Variants in UBR1 observed in about 807,000 individuals in gnomAD.
UBR1 encodes E3 ubiquitin-protein ligase UBR1.
A neutral mutation model predicts 242.1 loss-of-function variants in UBR1; 102 were observed. The ratio of observed to expected loss-of-function variants is 0.42; its 90% CI spans 0.36 to 0.50. The LOEUF (loss-of-function observed/expected upper bound fraction) is 0.50. Ranked by LOEUF, UBR1 falls within the 20% of genes least tolerant of loss-of-function variation. The pLI is 0.01. For missense variants in UBR1, 1,772 were observed against 2,101.8 expected, an observed-to-expected ratio of 0.84 and a Z score of 3.07; for synonymous variants, 675 against 684.8, an observed-to-expected ratio of 0.99 and a Z score of 0.22.
At chr15:43,070,383 C>T (rs1346341676) in intron 5 of UBR1, among the ~76,000 whole-genome samples, 1 of 151,918 alleles carries the variant, frequency 6.6e-6, no homozygotes, top group Non-Finnish European at 1.5e-5. Context: ...AGCTAAAAAC[C>T]CGGGCTAAAT....
At chr15:42,983,195 C>A (rs1210789919) in intron 37 of UBR1, among the ~76,000 whole-genome samples, 1 of 152,124 alleles carries the variant, frequency 6.6e-6, no homozygotes, top group Non-Finnish European at 1.5e-5. Context: ...AAGAATTTGA[C>A]CCACAAACAA....
At chr15:42,971,937 T>G (rs148480345) in intron 39 of UBR1, among the ~76,000 whole-genome samples, 1 of 152,336 alleles carries the variant, frequency 6.6e-6, no homozygotes, top group Admixed American at 6.5e-5. Context: ...TCTGTCTCTA[T>G]GCACACACAA....
chr15:42,983,129 A>G (rs2032403891), intron 37 of UBR1, among the ~76,000 whole-genome samples: 1 of 152,150 alleles, frequency 6.6e-6, no homozygotes, highest in Non-Finnish European at 1.5e-5. Context: ...CTGTCAAAGA[A>G]ATGGGCATGG....
chr15:43,002,158 A>T (rs558864428), intron 32 of UBR1, among the ~76,000 whole-genome samples: 7 of 152,352 alleles, frequency 4.6e-5, no homozygotes, highest in Non-Finnish European at 8.8e-5. Context: ...TAATTCCTTT[A>T]AAGAATAAAA....
Position 43,032,738 on chromosome 15 carries a change from C to A in UBR1, c.2191-107G>T. The A allele has an allele frequency of 4.3e-6, 3 of 705,286 alleles. No individual in the cohort carries two copies. In the South Asian group the frequency reaches 5.0e-5, roughly 12 times the overall value. 43.7% of individuals were successfully genotyped at this position (705,286 alleles called of 1,614,324 possible). A position where few individuals can be genotyped will look rare whatever the true frequency, so the allele number is the denominator to read the frequency against. ...GTCCATCCAGCCTAGTATTTTTCAT[C>A]CAGTCCAGTATTTTTTTTGTATGTG... On this transcript the variant is annotated intron_variant, in intron 19 of 46. Coordinates refer to ENST00000290650, the MANE Select transcript of UBR1 (RefSeq NM_174916.3).
intron 6 of UBR1, among the ~76,000 whole-genome samples, chr15:43,063,387 G>T (rs2033711710): frequency 6.6e-6 from 1 of 152,156 alleles, no homozygotes; most frequent in African/African-American, 2.4e-5. Context: ...ACTGGTATGT[G>T]TTTTTTTAGA....
intron 46 of UBR1, among the ~76,000 whole-genome samples, chr15:42,949,075 T>C (rs978705830): frequency 1.3e-5 from 2 of 151,976 alleles, no homozygotes; most frequent in African/African-American, 4.8e-5. Flanking sequence ...GTGGCACATA[T>C]ACACCATGGA....
intron 33 of UBR1, among the ~76,000 whole-genome samples, chr15:42,994,938 A>C (rs1218957302): frequency 6.6e-6 from 1 of 152,180 alleles, no homozygotes. Flanking sequence ...CTTGCTCAAA[A>C]ATTTTTAATC....
chr15:43,103,111 T>C (rs1172694904), intron 1 of UBR1, among the ~76,000 whole-genome samples: 13 of 152,232 alleles, frequency 8.5e-5, no homozygotes, highest in Non-Finnish European at 1.9e-4. Context: ...GAAGTTATAG[T>C]GAGCCAAGAT....
intron 39 of UBR1, among the ~76,000 whole-genome samples, chr15:42,971,357 T>C (rs975895779): frequency 6.6e-6 from 1 of 152,188 alleles, no homozygotes; most frequent in African/African-American, 2.4e-5. Context: ...AGGAGGACCA[T>C]CCTAAACCCT....
chr15:43,037,929 A>T (rs1169939489), intron 16 of UBR1, 46 bp from the exon 17 acceptor site: 37 of 1,540,616 alleles, frequency 2.4e-5, no homozygotes, highest in Non-Finnish European at 3.1e-5. Flanking sequence ...CAGAGCTTAG[A>T]TGTGTCTCCA....
chr15:42,975,174 G>A (rs2032269000), intron 39 of UBR1, among the ~76,000 whole-genome samples: 1 of 152,266 alleles, frequency 6.6e-6, no homozygotes, highest in Admixed American at 6.5e-5. Context: ...GGGATTACAG[G>A]TGTGAGCCAC....
chr15:43,058,962 T>A, intron 9 of UBR1, 123 bp downstream of exon 9: 1 of 817,226 alleles, frequency 1.2e-6, no homozygotes, highest in Non-Finnish European at 2.1e-6. Flanking sequence ...ACATGTAGTA[T>A]CTTATCAATC....
chr15:42,952,180 T>C lies in UBR1; in HGVS notation c.5006+98A>G, dbSNP rs879002429. ...GGTTAATACTCTAACTTCTGATTGATTATTTGCTATCAACACACTGTCCCA... is the reference window on the plus strand; with the variant it reads ...GGTTAATACTCTAACTTCTGATTGACTATTTGCTATCAACACACTGTCCCA... On this transcript the variant is annotated intron_variant, in intron 45 of 46. Transcript: ENST00000290650. 285 of 1,434,734 alleles carry C rather than the reference T, an allele frequency of 2.0e-4. 7 individuals are homozygous for C. The South Asian group carries it at 3.1e-3, about 16-fold the overall frequency. The allele number at this position is 1,434,734 out of a possible 1,614,324, so 88.9% of individuals were successfully genotyped here. A position where few individuals can be genotyped will look rare whatever the true frequency, so the allele number is the denominator to read the frequency against.
chr15:43,058,760 C>A (rs1224040928), intron 9 of UBR1, among the ~76,000 whole-genome samples: 2 of 152,036 alleles, frequency 1.3e-5, no homozygotes, highest in Non-Finnish European at 2.9e-5. Context: ...TAGATTTTTA[C>A]AATGAAAATA....
At chr15:43,080,741 G>A (rs531237852) in intron 3 of UBR1, among the ~76,000 whole-genome samples, 12 of 152,092 alleles carry the variant, frequency 7.9e-5, no homozygotes, top group Admixed American at 2.0e-4. Flanking sequence ...GATCACTTGA[G>A]GTCAGGAGTT....
chr15:43,093,598 T>C (rs2034127635), intron 1 of UBR1, among the ~76,000 whole-genome samples: 2 of 151,910 alleles, frequency 1.3e-5, no homozygotes, highest in African/African-American at 2.4e-5. Context: ...GTAGGCAACA[T>C]GGTAAAACCC....
chr15:43,059,749 A>C lies in UBR1; in HGVS notation c.938T>G (p.Phe313Cys). 1 of 1,614,156 alleles carries C rather than the reference A, an allele frequency of 6.2e-7. No individual in the cohort carries two copies. Among genetic ancestry groups the C allele is most frequent in the Non-Finnish European group, 8.5e-7 (1 of 1,180,008 alleles). The change falls in exon 8 of 47, where the codon TTT (phenylalanine) becomes TGT (cysteine). Residue 313 changes from phenylalanine to cysteine, a missense_variant. This residue lies in a region of UBR1 where 734 missense variants were observed against 893.3 expected (regional missense o/e 0.82). Coordinates refer to ENST00000290650, the MANE Select transcript of UBR1 (RefSeq NM_174916.3). ...LHSEIMAHQK[F>C]ALRLGSWMNK... is the part of the protein sequence containing the mutation. ...CATCCAGGAACCAAGACGCAAAGCA[A>C]ATTTCTGATGAGCCATAATCTCTGA...
intron 32 of UBR1, among the ~76,000 whole-genome samples, chr15:42,999,904 A>C (rs779458537): frequency 1.3e-5 from 2 of 152,166 alleles, no homozygotes; most frequent in African/African-American, 4.8e-5. Flanking sequence ...GTCTTGAGCA[A>C]AGGTAAAATA....
Sources: gnomAD v4.1 joint callset for allele counts (sites outside exome capture counted in the v4.1 genomes callset) on GRCh38, gnomAD v4.1.1 for gene constraint, gnomAD v4.1.1 regional missense constraint, MANE v1.5 for transcripts, NCBI Gene and HGNC (gene_info 2026-07-23, HGNC 2026-07-21) for gene names.